The following CMTM4 variants were observed in gnomAD, a reference collection of about 807,000 sequenced individuals.
CMTM4 encodes CKLF like MARVEL transmembrane domain containing 4.
In CMTM4, 8 loss-of-function variants were observed where a neutral mutation model predicts 19.0. The ratio of observed to expected loss-of-function variants is 0.42; its 90% CI spans 0.25 to 0.76. CMTM4 has a LOEUF of 0.76. CMTM4 is among the 30% of genes least tolerant of loss of function. The probability of loss-of-function intolerance (pLI) is 0.27; values close to 1 mark genes in which losing one functional copy is unlikely to be tolerated. For missense variants in CMTM4, 228 were observed against 290.2 expected (o/e 0.79, Z 1.56); for synonymous variants, 106 against 121.1 (o/e 0.88, Z 0.82).
Position 66,636,438 on chromosome 16 carries a change from G to A in CMTM4, c.330C>T (p.His110=), listed in dbSNP as rs148239978. The A allele has an allele frequency of 2.5e-6, 4 of 1,614,016 alleles. No homozygotes were observed. The African/African-American group carries it at 4.0e-5, about 16-fold the overall frequency. The change falls in exon 2 of 4, where the codon CAC becomes CAT. Residue 110 remains histidine, a synonymous_variant. Coordinates refer to ENST00000394106, the MANE Select transcript of CMTM4 (RefSeq NM_181521.3). ...TCCAGTTGATCTGGGGGATCCTCAT[G>A]TGCAGGTTGAGACTGAACATAATCA... ...VLLIMFSLNL[H]MRIPQINWNL...
the CMTM4 span, among the ~76,000 whole-genome samples, chr16:66,603,291 T>A: frequency 5.1e-3 from 777 of 152,212 alleles, 5 homozygotes; most frequent in Middle Eastern, 0.014. Flanking sequence ...TTATTTATTT[T>A]TTTTTTTATT....
intron 1 of CMTM4, among the ~76,000 whole-genome samples, chr16:66,636,821 C>T (rs74026543): frequency 2.4e-4 from 37 of 152,300 alleles, no homozygotes; most frequent in African/African-American, 8.2e-4. Context: ...CCACCACATA[C>T]ACTGAAATCA....
downstream of CMTM4, chr16:66,612,980 G>A (rs547740612): frequency 2.3e-4 from 159 of 693,168 alleles, 2 homozygotes; most frequent in South Asian, 2.3e-3. This position sits in a 1 kb window ranked among gnomAD's most constrained non-coding sequence, Gnocchi z 6.0. Flanking sequence ...GGTGTTCCAT[G>A]CTGCTAGGTG....
downstream of CMTM4, chr16:66,611,167 T>C (rs1171745645): frequency 3.7e-6 from 1 of 272,268 alleles, no homozygotes; most frequent in Non-Finnish European, 6.8e-6. Context: ...GAATTGAATA[T>C]AGCAGCCAGG....
At chr16:66,662,239 A>G (rs3743724) in intron 1 of CMTM4, among the ~76,000 whole-genome samples, 8,907 of 152,284 alleles carry the variant, frequency 0.058, 503 homozygotes, top group East Asian at 0.16. Context: ...ATTTCAGGAC[A>G]CTGAAAAACA....
At chr16:66,608,508 T>C in the CMTM4 span, 1 of 1,603,982 alleles carries the variant, frequency 6.2e-7, no homozygotes, top group Non-Finnish European at 8.5e-7. The surrounding 1 kb of genome is among the most constrained non-coding windows in gnomAD (Gnocchi z 5.1). Context: ...CTGCACAAAG[T>C]GGCCAGATGA....
At chr16:66,661,963 T>C (rs765397955) in intron 1 of CMTM4, among the ~76,000 whole-genome samples, 1 of 151,674 alleles carries the variant, frequency 6.6e-6, no homozygotes, top group Admixed American at 6.6e-5. Context: ...AAATAAAACA[T>C]TTCCTTACTA....
downstream of CMTM4, chr16:66,609,939 C>T (rs539526091): frequency 1.4e-4 from 226 of 1,614,158 alleles, 1 homozygote; most frequent in South Asian, 2.0e-3. This position sits in a 1 kb window ranked among gnomAD's most constrained non-coding sequence, Gnocchi z 4.4. Context: ...TGATCTTTAA[C>T]GACGTGGCCA....
the CMTM4 span, among the ~76,000 whole-genome samples, chr16:66,598,185 A>G: frequency 6.6e-6 from 1 of 152,182 alleles, no homozygotes; most frequent in African/African-American, 2.4e-5. Context: ...TACCGGAGGC[A>G]TGTAGAGGAA....
intron 2 of CMTM4, among the ~76,000 whole-genome samples, chr16:66,635,240 T>A (rs2015968487): frequency 6.6e-6 from 1 of 152,200 alleles, no homozygotes; most frequent in African/African-American, 2.4e-5. Flanking sequence ...ATGCTTCTAG[T>A]TATCTTGAGG....
At chr16:66,665,463 G>A (rs1474011313) in intron 1 of CMTM4, among the ~76,000 whole-genome samples, 1 of 151,986 alleles carries the variant, frequency 6.6e-6, no homozygotes, top group Non-Finnish European at 1.5e-5. Context: ...TAGAAACTTG[G>A]TCTGGGCACG....
chr16:66,624,594 C>T (rs545760175), intron 2 of CMTM4, among the ~76,000 whole-genome samples: 4 of 152,248 alleles, frequency 2.6e-5, no homozygotes, highest in East Asian at 3.9e-4. Flanking sequence ...TGGTGAAACC[C>T]CATCTCTACT....
downstream of CMTM4, chr16:66,612,571 G>A (rs202073458): frequency 1.8e-5 from 29 of 1,612,502 alleles, no homozygotes; most frequent in African/African-American, 1.7e-4. This position sits in a 1 kb window ranked among gnomAD's most constrained non-coding sequence, Gnocchi z 6.0. Flanking sequence ...CCGCTGCCCT[G>A]AGCCTCCTGC....
intron 1 of CMTM4, among the ~76,000 whole-genome samples, chr16:66,680,506 G>A (rs1278318265): frequency 6.7e-6 from 1 of 150,040 alleles, no homozygotes; most frequent in East Asian, 2.0e-4. Flanking sequence ...CGGGCATGGT[G>A]GCTCATGCCT....
rs111400398 is a variant in CMTM4 at position 66,668,165 on chromosome 16, ATT to A, written c.186+28173_186+28174del. ...TACAGGTCACACCACCAACAGAGCT[ATT>A]TTTTTTTTTTTTTTAATTTTGTGTA... On this transcript the variant is annotated intron_variant, in intron 1 of 3. Transcript: ENST00000394106. 6.1e-3 allele frequency among the ~76,000 whole-genome samples: 853 copies of A among 139,746 alleles called. 10 individuals carry two copies. Among genetic ancestry groups the A allele is most frequent in the Admixed American group, 0.018 (255 of 13,984 alleles). 91.7% of individuals were successfully genotyped at this position (139,746 alleles called of 152,430 possible). A position where few individuals can be genotyped will look rare whatever the true frequency, so the allele number is the denominator to read the frequency against.
At chr16:66,679,156 T>C (rs2016862132) in intron 1 of CMTM4, among the ~76,000 whole-genome samples, 1 of 151,744 alleles carries the variant, frequency 6.6e-6, no homozygotes, top group East Asian at 1.9e-4. Flanking sequence ...CCAAAACAAG[T>C]GCCAATACTC....
At chr16:66,683,176 C>CATATATATATATATATATATAT (rs71378404) in intron 1 of CMTM4, among the ~76,000 whole-genome samples, 2 of 106,046 alleles carry the variant, frequency 1.9e-5, no homozygotes, top group Non-Finnish European at 3.6e-5. Flanking sequence ...TATATATATA[C>CATATATATATATATATATATAT]ATATGTATAT....
chr16:66,656,663 A>C (rs1273814608), intron 1 of CMTM4, among the ~76,000 whole-genome samples: 1 of 152,114 alleles, frequency 6.6e-6, no homozygotes, highest in African/African-American at 2.4e-5. Context: ...AAAAAAAAAA[A>C]AACAGTAACT....
At chr16:66,680,496 C>T (rs2016890362) in intron 1 of CMTM4, among the ~76,000 whole-genome samples, 1 of 144,474 alleles carries the variant, frequency 6.9e-6, no homozygotes, top group Non-Finnish European at 1.5e-5. Context: ...AAAAAAAGGT[C>T]GGGCATGGTG....
Sources: allele counts gnomAD v4.1 joint callset (sites outside exome capture counted in the v4.1 genomes callset), GRCh38; gene constraint gnomAD v4.1.1; non-coding constraint Gnocchi (gnomAD v3.1); transcripts MANE v1.5; gene names NCBI Gene and HGNC (gene_info 2026-07-23, HGNC 2026-07-21).